The following ALG14 variants were observed in gnomAD, a reference collection of about 807,000 sequenced individuals.
The protein encoded by ALG14 is ALG14 UDP-N-acetylglucosaminyltransferase subunit.
ALG14 carries 17 observed loss-of-function variants against 22.8 expected under a neutral mutation model. The ratio of observed to expected loss-of-function variants is 0.75; its 90% CI spans 0.51 to 1.12. The LOEUF is 1.12. Among genes scored for constraint, ALG14 ranks in the 50% most tolerant of loss-of-function variants. The pLI is 0.00. For missense variants in ALG14, 288 were observed against 271.8 expected, an observed-to-expected ratio of 1.06 and a Z score of -0.42; for synonymous variants, 89 against 103.7, an observed-to-expected ratio of 0.86 and a Z score of 0.86.
chr1:95,017,034 C>A lies in ALG14; in HGVS notation c.420+10095G>T, dbSNP rs536431856. 3.2e-3 allele frequency among the ~76,000 whole-genome samples: 471 copies of A among 148,138 alleles called. 1 individual carries two copies. Among genetic ancestry groups the A allele is most frequent in the African/African-American group, 0.011 (454 of 40,108 alleles). ...AATACCTTGACCAAATATGTGGTCC[C>A]AATACTGACCAACTATGTGAATCAG... On this transcript the variant is annotated intron_variant, in intron 3 of 3. Coordinates refer to ENST00000370205, the MANE Select transcript of ALG14 (RefSeq NM_144988.4).
intron 2 of ALG14, among the ~76,000 whole-genome samples, chr1:95,056,867 G>T (rs556267677): frequency 1.6e-3 from 198 of 126,328 alleles, no homozygotes; most frequent in African/African-American, 6.5e-3. Context: ...GACCAGCCTG[G>T]CCAACATAGT....
intron 2 of ALG14, among the ~76,000 whole-genome samples, chr1:95,037,412 G>T (rs1674235082): frequency 6.6e-6 from 1 of 152,176 alleles, no homozygotes. Flanking sequence ...CCCATATGCT[G>T]TAAGAGATCC....
intron 3 of ALG14, among the ~76,000 whole-genome samples, chr1:95,013,679 G>C (rs1673430319): frequency 6.6e-6 from 1 of 151,960 alleles, no homozygotes; most frequent in African/African-American, 2.4e-5. Context: ...ACAATGTTTT[G>C]CCAACAACTA....
intron 3 of ALG14, among the ~76,000 whole-genome samples, chr1:95,003,193 A>G (rs535360905): frequency 6.6e-6 from 1 of 152,332 alleles, no homozygotes; most frequent in Admixed American, 6.5e-5. Flanking sequence ...CTGAATAAAC[A>G]TATTTATTTT....
At position 95,027,351 on chromosome 1, in the gene ALG14, C is replaced by T. The variant is rs567162465; in HGVS notation, c.289-91G>A. The T allele has an allele frequency of 2.6e-4, 374 of 1,456,698 alleles. 4 individuals carry two copies. In the South Asian group the frequency reaches 4.3e-3, roughly 17 times the overall value. The allele number at this position is 1,456,698 out of a possible 1,614,324, so 90.2% of individuals were successfully genotyped here. ...ATTAACAGCTGTAGAAACAGAAATG[C>T]TTTCTTTAATTTAAATTTTCATTCT... On this transcript the variant is annotated intron_variant, in intron 2 of 3. Transcript: ENST00000370205.
intron 3 of ALG14, among the ~76,000 whole-genome samples, chr1:95,018,167 A>G (rs1342821046): frequency 2.0e-5 from 3 of 152,202 alleles, no homozygotes; most frequent in Non-Finnish European, 4.4e-5. Flanking sequence ...ACCAGAAAAA[A>G]AAGTAGATTG....
At chr1:94,987,898 A>T (rs563469724) in intron 3 of ALG14, among the ~76,000 whole-genome samples, 1 of 152,296 alleles carries the variant, frequency 6.6e-6, no homozygotes, top group South Asian at 2.1e-4. Context: ...ATTTTAAGAG[A>T]CTGGACAGAG....
intron 2 of ALG14, among the ~76,000 whole-genome samples, chr1:95,032,219 T>C (rs1422072802): frequency 6.6e-6 from 1 of 152,118 alleles, no homozygotes; most frequent in Non-Finnish European, 1.5e-5. Flanking sequence ...AATATGTCAT[T>C]ACACAGTAAT....
intron 2 of ALG14, among the ~76,000 whole-genome samples, chr1:95,027,912 G>A (rs772941600): frequency 5.3e-5 from 8 of 152,170 alleles, no homozygotes; most frequent in South Asian, 2.1e-4. Context: ...CTGTATCATT[G>A]TTTGTATTTG....
rs920959554 is a variant in ALG14, at chr1:94,981,678, G to A, written c.*1398C>T. 28 of 133,620 alleles carry A rather than the reference G, an allele frequency of 2.1e-4. No individual in the cohort carries two copies. Among genetic ancestry groups the A allele is most frequent in the Admixed American group, 4.6e-4 (6 of 13,120 alleles). 8.3% of individuals were successfully genotyped at this position (133,620 alleles called of 1,614,324 possible). A position where few individuals can be genotyped will look rare whatever the true frequency, so the allele number is the denominator to read the frequency against. On this transcript the variant is annotated 3_prime_UTR_variant, in exon 4 of 4. Coordinates refer to ENST00000370205, the MANE Select transcript of ALG14 (RefSeq NM_144988.4). ...TCTTCTCTTTTCTGTTTTTTATTTT[G>A]TTTTGTTTTTTTTTTTTTTGGCTGC...
chr1:95,029,942 A>G (rs1478528371), intron 2 of ALG14, among the ~76,000 whole-genome samples: 2 of 152,194 alleles, frequency 1.3e-5, no homozygotes, highest in East Asian at 1.9e-4. Flanking sequence ...TAAATATTGA[A>G]CTAGAAACTA....
At chr1:95,067,064 T>C (rs1301084045) in intron 1 of ALG14, 4 of 152,150 alleles carry the variant, frequency 2.6e-5, no homozygotes, top group Non-Finnish European at 4.4e-5. Flanking sequence ...TTGAATACTG[T>C]GAAAGTTGTC....
intron 3 of ALG14, among the ~76,000 whole-genome samples, chr1:95,010,233 G>C (rs1462322325): frequency 6.6e-6 from 1 of 152,094 alleles, no homozygotes; most frequent in East Asian, 1.9e-4. Flanking sequence ...CTTTACATAA[G>C]AAAGCTCCTC....
chr1:94,984,036 G>A (rs912174975), intron 3 of ALG14, among the ~76,000 whole-genome samples: 1 of 151,970 alleles, frequency 6.6e-6, no homozygotes. Context: ...GAGCCACCGA[G>A]CCCAGCTGAA....
At chr1:95,054,741 C>T (rs551180833) in intron 2 of ALG14, among the ~76,000 whole-genome samples, 1 of 152,262 alleles carries the variant, frequency 6.6e-6, no homozygotes, top group South Asian at 2.1e-4. Context: ...TTCTGCAAAA[C>T]TTAAAAATAA....
At chr1:94,990,209 C>T (rs1050147282) in intron 3 of ALG14, among the ~76,000 whole-genome samples, 8 of 152,042 alleles carry the variant, frequency 5.3e-5, no homozygotes, top group Non-Finnish European at 1.0e-4. Context: ...GCAGAGGTTA[C>T]AGTCAGGGGA....
intron 3 of ALG14, among the ~76,000 whole-genome samples, chr1:94,994,826 A>G (rs752214812): frequency 1.3e-5 from 2 of 152,228 alleles, no homozygotes; most frequent in Non-Finnish European, 2.9e-5. Context: ...TTTGTTATTA[A>G]CATTTTATAT....
intron 2 of ALG14, chr1:95,041,531 C>T (rs1674378753): frequency 6.6e-6 from 1 of 151,026 alleles, no homozygotes; most frequent in Non-Finnish European, 1.5e-5. Flanking sequence ...GGCAGGACTG[C>T]TTGAGCCCAG....
At chr1:94,991,849 A>T (rs993160342) in intron 3 of ALG14, among the ~76,000 whole-genome samples, 2 of 102,868 alleles carry the variant, frequency 1.9e-5, no homozygotes, top group African/African-American at 5.0e-5. Flanking sequence ...AAGATTTTTT[A>T]TATCTTTTTT....
Sources: allele counts gnomAD v4.1 joint callset (sites outside exome capture counted in the v4.1 genomes callset), GRCh38; gene constraint gnomAD v4.1.1; transcripts MANE v1.5; gene names NCBI Gene and HGNC (gene_info 2026-07-23, HGNC 2026-07-21).